Variants in ANO2 observed in about 807,000 individuals in gnomAD.
ANO2 encodes the protein anoctamin-2.
A neutral mutation model predicts 124.2 loss-of-function variants in ANO2; 101 were observed. The observed-to-expected ratio is 0.81, with a 90% CI of 0.69 to 0.96. The LOEUF (loss-of-function observed/expected upper bound fraction) is 0.96. ANO2 is among the 40% of genes least tolerant of loss of function. The pLI, the probability that ANO2 is intolerant of heterozygous loss-of-function variation, is 0.00. For missense variants in ANO2, 1,293 were observed against 1,274.5 expected (o/e 1.01, Z -0.22); for synonymous variants, 486 against 482.5 (o/e 1.01, Z -0.09).
rs976339632 is a variant in ANO2 at position 5,862,254 on chromosome 12, G to A, written c.535-8113C>T. 1.3e-5 allele frequency among the ~76,000 whole-genome samples: 2 copies of A among 152,174 alleles called. No individual in the cohort carries two copies. Among genetic ancestry groups the A allele is most frequent in the African/African-American group, 4.8e-5 (2 of 41,444 alleles). On this transcript the variant is annotated intron_variant, in intron 3 of 24. Transcript: ENST00000682330. The surrounding 1 kb of genome is among the most constrained non-coding windows in gnomAD (Gnocchi z 4.0). ...GTGAAGGTGGCCAATAATCAGCAGAGGCAGAAGACAGAGCCAAATGCCCAC... is the reference window on the plus strand; with the variant it reads ...GTGAAGGTGGCCAATAATCAGCAGAAGCAGAAGACAGAGCCAAATGCCCAC...
In ANO2 at chr12:5,923,293, G is replaced by A. The variant is rs968376241; in HGVS notation, c.23-489C>T. 5.3e-5 allele frequency among the ~76,000 whole-genome samples: 7 copies of A among 130,926 alleles called. No homozygotes were observed. In the South Asian group the frequency reaches 7.5e-4, roughly 14 times the overall value. 85.9% of individuals were successfully genotyped at this position (130,926 alleles called of 152,430 possible). On this transcript the variant is annotated intron_variant, in intron 1 of 24. Coordinates refer to ENST00000682330, the MANE Select transcript of ANO2 (RefSeq NM_001364791.2). ...ACACACACACACGCACACACACAGCGTGGAGCCACCAGCAGGAGCTCCTTC... is the reference window on the plus strand; with the variant it reads ...ACACACACACACGCACACACACAGCATGGAGCCACCAGCAGGAGCTCCTTC...
chr12:5,785,266 G>C (rs1327179202), intron 10 of ANO2, among the ~76,000 whole-genome samples: 1 of 152,124 alleles, frequency 6.6e-6, no homozygotes, highest in South Asian at 2.1e-4. Context: ...GAGGGAGAAG[G>C]AAAAAGTTCA....
At chr12:5,760,509 C>T (rs1397893265) in intron 10 of ANO2, among the ~76,000 whole-genome samples, 1 of 152,026 alleles carries the variant, frequency 6.6e-6, no homozygotes. Context: ...TTAATGGTAC[C>T]TATGGTAAGA....
intron 7 of ANO2, among the ~76,000 whole-genome samples, chr12:5,820,789 G>A (rs1953771583): frequency 6.6e-6 from 1 of 152,180 alleles, no homozygotes. Context: ...AGAATAACAG[G>A]GGATTACTGT....
intron 7 of ANO2, among the ~76,000 whole-genome samples, chr12:5,812,934 GAGGA>G (rs1301710828): frequency 5.4e-5 from 7 of 129,200 alleles, no homozygotes; most frequent in East Asian, 2.5e-4. Context: ...GAGAGAAAGA[GAGGA>G]AGGAAGGAAG....
intron 20 of ANO2, among the ~76,000 whole-genome samples, chr12:5,596,907 C>A (rs2136877813): frequency 6.6e-6 from 1 of 152,188 alleles, no homozygotes; most frequent in South Asian, 2.1e-4. Flanking sequence ...ATTCACTACT[C>A]CTGACAATCC....
At chr12:5,888,446 A>T (rs1939130388) in intron 3 of ANO2, among the ~76,000 whole-genome samples, 1 of 152,130 alleles carries the variant, frequency 6.6e-6, no homozygotes, top group South Asian at 2.1e-4. Context: ...TTATTCTCTT[A>T]TCTGGCCCCA....
intron 3 of ANO2, 75 bp downstream of exon 3, chr12:5,920,965 G>A: frequency 6.9e-7 from 1 of 1,458,022 alleles, no homozygotes; most frequent in Non-Finnish European, 9.3e-7. Flanking sequence ...TCTCTGTCAG[G>A]TGGCACTGCT....
intron 4 of ANO2, among the ~76,000 whole-genome samples, chr12:5,846,648 T>A (rs1954692906): frequency 6.6e-6 from 1 of 152,130 alleles, no homozygotes; most frequent in African/African-American, 2.4e-5. Context: ...AAGGGAAAAA[T>A]TATTTCTTGA....
At chr12:5,931,150 G>A (rs1591809291) in intron 1 of ANO2, among the ~76,000 whole-genome samples, 1 of 152,278 alleles carries the variant, frequency 6.6e-6, no homozygotes, top group East Asian at 1.9e-4. Flanking sequence ...TTCTTAGGAT[G>A]AAGACCAAAT....
chr12:5,616,089 G>A (rs1164788539), intron 16 of ANO2, among the ~76,000 whole-genome samples: 2 of 152,144 alleles, frequency 1.3e-5, no homozygotes, highest in Non-Finnish European at 2.9e-5. Flanking sequence ...CAATGGTTCA[G>A]GACACTTCCA....
rs753857452 is a variant in ANO2, at chr12:5,744,177, GAGA to G, written c.1328_1330del (p.Phe443del). ...CATACCCCACAGAGCCATGAAGATAGAGAAGAAGACGGTGGCAGGGTTGTCAAA... is the reference window on the plus strand; with the variant it reads ...CATACCCCACAGAGCCATGAAGATAGAGAAGACGGTGGCAGGGTTGTCAAA... On this transcript the variant is annotated inframe_deletion, in exon 12 of 25. Coordinates refer to ENST00000682330, the MANE Select transcript of ANO2 (RefSeq NM_001364791.2). The G allele has an allele frequency of 3.1e-6, 5 of 1,613,986 alleles. No individual in the cohort carries two copies. In the African/African-American group the frequency reaches 5.3e-5, roughly 17 times the overall value.
intron 4 of ANO2, among the ~76,000 whole-genome samples, chr12:5,848,611 T>C (rs760024297): frequency 6.6e-6 from 1 of 152,204 alleles, no homozygotes; most frequent in Non-Finnish European, 1.5e-5. Context: ...TCTCACTGGC[T>C]TTCCCAGCAA....
chr12:5,604,282 T>TGAGGAG (rs908746033), intron 19 of ANO2, among the ~76,000 whole-genome samples: 2 of 149,266 alleles, frequency 1.3e-5, no homozygotes, highest in Non-Finnish European at 3.0e-5. Context: ...TTGATGAGGA[T>TGAGGAG]GAGGAGGAGG....
At chr12:5,824,604 T>C (rs1165455820) in intron 7 of ANO2, among the ~76,000 whole-genome samples, 1 of 152,212 alleles carries the variant, frequency 6.6e-6, no homozygotes, top group Non-Finnish European at 1.5e-5. Flanking sequence ...GTTCCAAACT[T>C]TCCCACATTT....
intron 4 of ANO2, among the ~76,000 whole-genome samples, chr12:5,844,952 A>C (rs1419834786): frequency 2.3e-5 from 2 of 85,208 alleles, no homozygotes; most frequent in Admixed American, 1.9e-4. Flanking sequence ...TCAACCATGA[A>C]ATTTTTTTTT....
Position 5,921,052 on chromosome 12 carries a change from C to T in ANO2, c.522G>A (p.Glu174=). The change falls in exon 3 of 25, where the codon GAG becomes GAA. Residue 174 remains glutamate, a synonymous_variant. Transcript: ENST00000682330. ...CCGCCTGACTCACCTCCAAGTCCTTCTCAAGCTCCAGTCCAGCCTCCATCA... is the reference window on the plus strand; with the variant it reads ...CCGCCTGACTCACCTCCAAGTCCTTTTCAAGCTCCAGTCCAGCCTCCATCA... The part of the protein sequence containing the change: ...HNLMEAGLEL[E]KDLENKSQGS... The T allele has an allele frequency of 6.2e-7, 1 of 1,607,002 alleles. No individual in the cohort carries two copies. The highest frequency in any genetic ancestry group is 1.1e-5 in the South Asian group (1 of 90,926).
chr12:5,898,341 C>T (rs1431539380), intron 3 of ANO2, among the ~76,000 whole-genome samples: 1 of 152,184 alleles, frequency 6.6e-6, no homozygotes, highest in African/African-American at 2.4e-5. Context: ...CCAATAGTGT[C>T]TACTAAAGCT....
chr12:5,667,835 A>C lies in ANO2; in HGVS notation c.1546-20034T>G, dbSNP rs553364718. Among the ~76,000 whole-genome samples, 4 of 152,316 alleles carry C rather than the reference A, an allele frequency of 2.6e-5. No homozygotes were observed. The Middle Eastern group carries it at 0.01, about 389-fold the overall frequency. On this transcript the variant is annotated intron_variant, in intron 14 of 24. Transcript: ENST00000682330. ...TTTCCATTCCTGGATTAGTTTGCTG[A>C]GGACAATGACTTCCAGCTCCATCCA...
Sources: gnomAD v4.1 joint callset for allele counts (sites outside exome capture counted in the v4.1 genomes callset) on GRCh38, gnomAD v4.1.1 for gene constraint, Gnocchi (gnomAD v3.1) non-coding constraint, MANE v1.5 for transcripts, NCBI Gene and HGNC (gene_info 2026-07-23, HGNC 2026-07-21) for gene names.